The following PTPN2 variants were observed in gnomAD, a reference collection of about 807,000 sequenced individuals.
The protein encoded by PTPN2 is tyrosine-protein phosphatase non-receptor type 2.
In PTPN2, 19 loss-of-function variants were observed where a neutral mutation model predicts 57.3. The ratio of observed to expected loss-of-function variants is 0.33; its 90% confidence interval spans 0.23 to 0.49. The LOEUF is 0.49. Among genes scored for constraint, PTPN2 ranks in the 20% least tolerant of loss-of-function variants. The probability of loss-of-function intolerance (pLI) is 0.99; values close to 1 mark genes in which losing one functional copy is unlikely to be tolerated. For synonymous variants in PTPN2, 153 were observed against 164.9 expected, an observed-to-expected ratio of 0.93 and a Z score of 0.55; for missense variants, 358 against 501.1, an observed-to-expected ratio of 0.71 and a Z score of 2.73.
intron 5 of PTPN2, among the ~76,000 whole-genome samples, chr18:12,820,901 C>T (rs2542162): frequency 0.32 from 48,038 of 152,098 alleles, 8,914 homozygotes; most frequent in Admixed American, 0.41. Context: ...CTTTGAACAG[C>T]AATGTCAAAC....
At chr18:12,862,946 GC>G (rs1205698420) in intron 1 of PTPN2, among the ~76,000 whole-genome samples, 4 of 151,548 alleles carry the variant, frequency 2.6e-5, no homozygotes, top group Admixed American at 2.0e-4. Flanking sequence ...AATCTCAACA[GC>G]AACTAGATCT....
In PTPN2 at chr18:12,794,076, A is replaced by G; in HGVS notation, c.*202T>C. 7.0e-7 allele frequency: 1 copy of G among 1,426,060 alleles called. No homozygotes were observed. The highest frequency in any genetic ancestry group is 9.1e-7 in the Non-Finnish European group (1 of 1,096,740). The allele number at this position is 1,426,060 out of a possible 1,614,324, so 88.3% of individuals were successfully genotyped here. A position where few individuals can be genotyped will look rare whatever the true frequency, so the allele number is the denominator to read the frequency against. ...ATGAATGTCTTTATTTTAGACAGCC[A>G]TTTACAGTTTGGGGTTCAGAGGAAC... is the stretch of plus-strand genomic sequence containing the variant. On this transcript the variant is annotated 3_prime_UTR_variant, in exon 9 of 9. Transcript: ENST00000309660.
intron 2 of PTPN2, among the ~76,000 whole-genome samples, chr18:12,852,659 T>C (rs1467092974): frequency 1.3e-5 from 2 of 152,160 alleles, no homozygotes; most frequent in African/African-American, 4.8e-5. Flanking sequence ...GGGACTACAA[T>C]CATGAGCTGC....
chr18:12,860,466 A>G, intron 1 of PTPN2, among the ~76,000 whole-genome samples: 1 of 139,590 alleles, frequency 7.2e-6, no homozygotes, highest in Non-Finnish European at 1.6e-5. Flanking sequence ...GCGCGATGGC[A>G]GGCACCTGTA....
chr18:12,824,072 T>C (rs1353180690), intron 5 of PTPN2, among the ~76,000 whole-genome samples: 1 of 152,202 alleles, frequency 6.6e-6, no homozygotes, highest in African/African-American at 2.4e-5. Context: ...CAGAACCTTG[T>C]GGAAATACAG....
At chr18:12,864,019 T>C (rs2043908194) in intron 1 of PTPN2, 2 of 152,196 alleles carry the variant, frequency 1.3e-5, no homozygotes, top group Non-Finnish European at 2.9e-5. Flanking sequence ...AAAGACTGGT[T>C]GAATAAATCG....
chr18:12,819,813 C>T (rs908850003), intron 5 of PTPN2, among the ~76,000 whole-genome samples: 3 of 73,226 alleles, frequency 4.1e-5, no homozygotes, highest in South Asian at 2.7e-4. Context: ...TTCTTGACAG[C>T]GGGGGGTGGG....
chr18:12,799,291 C>A (rs1038924996), intron 8 of PTPN2, among the ~76,000 whole-genome samples: 5 of 150,982 alleles, frequency 3.3e-5, no homozygotes, highest in African/African-American at 1.2e-4. Flanking sequence ...GTGGCGGGGG[C>A]CTGTAATCCC....
chr18:12,794,221 G>A lies in PTPN2; in HGVS notation c.*57C>T, dbSNP rs923699742. 3 of 1,606,668 alleles carry A rather than the reference G, an allele frequency of 1.9e-6. No individual in the cohort carries two copies. The highest frequency in any genetic ancestry group is 1.3e-5 in the African/African-American group (1 of 74,468). ...GCGTTTGCTGCAGACAAACCCCTATGATTAATGTAGCACTGTCAGTTACTA... is the reference window on the plus strand; with the variant it reads ...GCGTTTGCTGCAGACAAACCCCTATAATTAATGTAGCACTGTCAGTTACTA... On this transcript the variant is annotated 3_prime_UTR_variant, in exon 9 of 9. Coordinates refer to ENST00000309660, the MANE Select transcript of PTPN2 (RefSeq NM_002828.4).
At position 12,870,319 on chromosome 18, in the gene PTPN2, G is replaced by A. The variant is rs12958588; in HGVS notation, c.70-11065C>T. 4.3e-3 allele frequency among the ~76,000 whole-genome samples: 156 copies of A among 36,084 alleles called. 4 individuals carry two copies. The highest frequency in any genetic ancestry group is 0.014 in the African/African-American group (94 of 6,794). The allele number at this position is 36,084 out of a possible 152,430, so 23.7% of individuals were successfully genotyped here. A position where few individuals can be genotyped will look rare whatever the true frequency, so the allele number is the denominator to read the frequency against. ...TATATGTGTATATATACATATATATGTGTATATATATGTATATATATACAT... is the reference window on the plus strand; with the variant it reads ...TATATGTGTATATATACATATATATATGTATATATATGTATATATATACAT... On this transcript the variant is annotated intron_variant, in intron 1 of 8. Coordinates refer to ENST00000309660, the MANE Select transcript of PTPN2 (RefSeq NM_002828.4).
At chr18:12,861,033 G>T (rs991352773) in intron 1 of PTPN2, among the ~76,000 whole-genome samples, 1 of 152,096 alleles carries the variant, frequency 6.6e-6, no homozygotes, top group African/African-American at 2.4e-5. Context: ...TAGACATAGG[G>T]TCTCACTTTT....
Position 12,853,401 on chromosome 18 carries a change from A to G in PTPN2, c.160+5763T>C, listed in dbSNP as rs114855798. On this transcript the variant is annotated intron_variant, in intron 2 of 8. Coordinates refer to ENST00000309660, the MANE Select transcript of PTPN2 (RefSeq NM_002828.4). ...AGCAATCCTCCTACCTCAGCTTTCC[A>G]AAGTGTTGGGATTATAAGCATGAGC... Among the ~76,000 whole-genome samples the G allele has an allele frequency of 6.1e-3, 932 of 152,320 alleles. 9 individuals carry two copies. Among genetic ancestry groups the G allele is most frequent in the African/African-American group, 0.019 (804 of 41,584 alleles).
chr18:12,856,023 G>C (rs910043006), intron 2 of PTPN2, among the ~76,000 whole-genome samples: 8 of 152,228 alleles, frequency 5.3e-5, no homozygotes, highest in African/African-American at 1.7e-4. Flanking sequence ...TGGAATGACA[G>C]AAAGTAGCCC....
At chr18:12,802,724 A>G (rs1246942773) in intron 7 of PTPN2, among the ~76,000 whole-genome samples, 3 of 152,224 alleles carry the variant, frequency 2.0e-5, no homozygotes, top group Non-Finnish European at 4.4e-5. Context: ...ATGGGATAAT[A>G]TATTCAAAGT....
intron 4 of PTPN2, among the ~76,000 whole-genome samples, chr18:12,827,445 G>A (rs1047495013): frequency 1.5e-4 from 23 of 151,498 alleles, no homozygotes; most frequent in African/African-American, 5.1e-4. Flanking sequence ...AGCCCAGGCT[G>A]GAGTGCACTG....
chr18:12,831,163 A>T (rs1598808549), intron 3 of PTPN2, 122 bp from the exon 4 acceptor site: 1 of 567,800 alleles, frequency 1.8e-6, no homozygotes. Flanking sequence ...GGCTTATAAG[A>T]AGTAAACCAA....
intron 2 of PTPN2, among the ~76,000 whole-genome samples, chr18:12,842,717 C>A (rs764007422): frequency 1.3e-5 from 2 of 152,220 alleles, no homozygotes; most frequent in Non-Finnish European, 1.5e-5. Flanking sequence ...TCAAGAAATC[C>A]TGTACTGATT....
chr18:12,859,075 A>C (rs1359442829), intron 2 of PTPN2, 89 bp downstream of exon 2: 17 of 921,066 alleles, frequency 1.8e-5, no homozygotes, highest in Non-Finnish European at 2.7e-5. Flanking sequence ...GTATTTATCA[A>C]CACTGACCCC....
At chr18:12,862,278 C>A (rs1454491241) in intron 1 of PTPN2, 1 of 152,202 alleles carries the variant, frequency 6.6e-6, no homozygotes, top group Non-Finnish European at 1.5e-5. Flanking sequence ...CCTGTCTCAG[C>A]CTCTTGAGTA....
Sources: gnomAD v4.1 joint callset for allele counts (sites outside exome capture counted in the v4.1 genomes callset) on GRCh38, gnomAD v4.1.1 for gene constraint, MANE v1.5 for transcripts, NCBI Gene and HGNC (gene_info 2026-07-23, HGNC 2026-07-21) for gene names.